The following PDE4D variants were observed in gnomAD, a reference collection of about 807,000 sequenced individuals.
PDE4D encodes phosphodiesterase 4D.
A neutral mutation model predicts 87.4 loss-of-function variants in PDE4D; 24 were observed. The observed-to-expected ratio is 0.27, with a 90% CI of 0.20 to 0.39. The LOEUF (loss-of-function observed/expected upper bound fraction) is 0.39. Ranked by LOEUF, PDE4D falls within the 10% of genes least tolerant of loss-of-function variation. The pLI is 1.00. For missense variants in PDE4D, 714 were observed against 1,041.0 expected (o/e 0.69, Z 4.32); for synonymous variants, 384 against 383.2 (o/e 1.00, Z -0.02).
chr5:59,222,565 G>A (rs1001274834), intron 1 of PDE4D, among the ~76,000 whole-genome samples: 1 of 152,158 alleles, frequency 6.6e-6, no homozygotes, highest in South Asian at 2.1e-4. Flanking sequence ...CACTCACAGG[G>A]AAGATCTTGC....
At chr5:59,770,565 T>C (rs974554417) in intron 1 of PDE4D, among the ~76,000 whole-genome samples, 1 of 152,176 alleles carries the variant, frequency 6.6e-6, no homozygotes, top group Non-Finnish European at 1.5e-5. Context: ...AATGTATTTG[T>C]ACATGTTTTT....
At chr5:59,406,872 A>G (rs76735276) in intron 1 of PDE4D, among the ~76,000 whole-genome samples, 6,196 of 151,690 alleles carry the variant, frequency 0.041, 438 homozygotes, top group African/African-American at 0.14. Context: ...TGTTTCTTAA[A>G]CTCTTTTTAT....
At chr5:59,552,232 T>G (rs1818241867) in intron 1 of PDE4D, among the ~76,000 whole-genome samples, 1 of 152,134 alleles carries the variant, frequency 6.6e-6, no homozygotes, top group Non-Finnish European at 1.5e-5. Context: ...AGAGGTATTT[T>G]ATTTTTTTCA....
intron 1 of PDE4D, among the ~76,000 whole-genome samples, chr5:59,609,136 A>G (rs918890559): frequency 2.0e-5 from 3 of 152,156 alleles, no homozygotes; most frequent in African/African-American, 7.2e-5. Flanking sequence ...GATCATATGT[A>G]GAGAGATATG....
chr5:59,295,849 C>CAA (rs78780792), intron 1 of PDE4D, among the ~76,000 whole-genome samples: 2 of 132,052 alleles, frequency 1.5e-5, no homozygotes, highest in Non-Finnish European at 3.3e-5. Flanking sequence ...AAAAAAAAAA[C>CAA]AAAAAAAAAA....
intron 1 of PDE4D, among the ~76,000 whole-genome samples, chr5:59,570,646 CAAA>C (rs35457740): frequency 1.4e-5 from 2 of 147,054 alleles, no homozygotes; most frequent in Admixed American, 6.8e-5. Context: ...GACAAATATG[CAAA>C]AAAAAAAAAA....
chr5:60,371,685 C>A (rs1761044659), intron 1 of PDE4D, among the ~76,000 whole-genome samples: 1 of 152,136 alleles, frequency 6.6e-6, no homozygotes, highest in South Asian at 2.1e-4. Flanking sequence ...GGCACCTTCT[C>A]CCCTGAAATA....
At chr5:60,229,760 T>A (rs182522462) in intron 1 of PDE4D, among the ~76,000 whole-genome samples, 157 of 152,244 alleles carry the variant, frequency 1.0e-3, no homozygotes, top group African/African-American at 3.6e-3. Flanking sequence ...ATCACTTGGG[T>A]TTAGCTTTTA....
At chr5:59,719,253 G>A (rs915050584) in intron 1 of PDE4D, among the ~76,000 whole-genome samples, 1 of 152,166 alleles carries the variant, frequency 6.6e-6, no homozygotes, top group Non-Finnish European at 1.5e-5. Context: ...TTTCCATGGT[G>A]TAACTACTAT....
chr5:60,119,824 C>T (rs887842487), intron 2 of PDE4D, among the ~76,000 whole-genome samples: 2 of 152,066 alleles, frequency 1.3e-5, no homozygotes, highest in African/African-American at 4.8e-5. Context: ...GGGGTACATT[C>T]AGATGTAAAT....
In PDE4D at chr5:59,980,174, G is replaced by T. The variant is rs984667898; in HGVS notation, c.272+8314C>A. ...AAAACAGAATAAAAAGGCTTTTAAA[G>T]AATTATAAGCTCTCCTTAAACACTT... is the stretch of plus-strand genomic sequence containing the variant. On this transcript the variant is annotated intron_variant, in intron 3 of 16. Transcript: ENST00000502484. Among the ~76,000 whole-genome samples, 4 of 152,210 alleles carry T rather than the reference G, an allele frequency of 2.6e-5. No individual in the cohort carries two copies. The East Asian group carries it at 7.7e-4, about 29-fold the overall frequency.
chr5:58,975,683 G>T lies in PDE4D; in HGVS notation c.1987C>A (p.His663Asn), dbSNP rs1267030767. 1 of 1,609,918 alleles carries T rather than the reference G, an allele frequency of 6.2e-7. No individual in the cohort carries two copies. Among genetic ancestry groups the T allele is most frequent in the East Asian group, 2.2e-5 (1 of 44,762 alleles). ...TGTGATTTTTCCACGGAAGCATTGT[G>T]CTTGTCACACATGGGGCTTATCTCC... ...GMEISPMCDK[H>N]NASVEKSQVG... Residue 663 changes from histidine to asparagine, a missense_variant, in exon 14 of 15, where the codon CAC becomes AAC. This residue lies in a region of PDE4D where 97 missense variants were observed against 176.9 expected (regional missense o/e 0.55). Coordinates refer to ENST00000340635, the MANE Select transcript of PDE4D (RefSeq NM_001104631.2). The surrounding 1 kb of genome is among the most constrained non-coding windows in gnomAD (Gnocchi z 4.2).
intron 1 of PDE4D, among the ~76,000 whole-genome samples, chr5:60,363,983 C>T (rs961670611): frequency 6.6e-6 from 1 of 151,984 alleles, no homozygotes; most frequent in Non-Finnish European, 1.5e-5. Context: ...ATGGGCTGGC[C>T]CAAGTAGGTG....
intron 10 of PDE4D, among the ~76,000 whole-genome samples, chr5:58,989,409 A>G (rs865822862): frequency 3.3e-5 from 5 of 152,082 alleles, no homozygotes; most frequent in African/African-American, 1.2e-4. Flanking sequence ...CTTATGTTTT[A>G]TAAAACGTTC....
At chr5:59,322,962 T>C (rs558261239) in intron 1 of PDE4D, among the ~76,000 whole-genome samples, 54 of 152,286 alleles carry the variant, frequency 3.5e-4, no homozygotes, top group Non-Finnish European at 5.9e-4. Context: ...AGCATTACTG[T>C]AGCAATAGCT....
In PDE4D at chr5:60,386,168, G is replaced by GA. The variant is rs1406425063; in HGVS notation, c.-90+101773dup. The stretch of plus-strand genomic sequence containing the variant: ...CAACAGCCAGACCAAGGAAACTTTG[G>GA]AAAAAAATATATAGTAATTTTCCCT... On this transcript the variant is annotated intron_variant, in intron 1 of 16. Coordinates refer to the PDE4D transcript ENST00000502484. Among the ~76,000 whole-genome samples, 6 of 151,858 alleles carry GA rather than the reference G, an allele frequency of 4.0e-5. No homozygotes were observed. The South Asian group carries it at 8.3e-4, about 21-fold the overall frequency.
intron 1 of PDE4D, among the ~76,000 whole-genome samples, chr5:59,286,887 T>C (rs911163043): frequency 4.7e-5 from 7 of 149,754 alleles, no homozygotes; most frequent in African/African-American, 1.7e-4. Flanking sequence ...GACCATTTAT[T>C]TTTTATTTCA....
intron 1 of PDE4D, among the ~76,000 whole-genome samples, chr5:60,214,474 G>A (rs2149581941): frequency 6.6e-6 from 1 of 152,190 alleles, no homozygotes; most frequent in Non-Finnish European, 1.5e-5. Context: ...GAGTAAGGTG[G>A]TGAACACAGG....
intron 3 of PDE4D, among the ~76,000 whole-genome samples, chr5:59,977,924 A>C (rs1479116539): frequency 1.3e-5 from 2 of 152,184 alleles, no homozygotes; most frequent in Non-Finnish European, 2.9e-5. Flanking sequence ...TTTATAAATA[A>C]AAAAATAAGG....
Sources: allele counts gnomAD v4.1 joint callset (sites outside exome capture counted in the v4.1 genomes callset), GRCh38; gene constraint gnomAD v4.1.1; regional missense constraint gnomAD v4.1.1; non-coding constraint Gnocchi (gnomAD v3.1); transcripts MANE v1.5; gene names NCBI Gene and HGNC (gene_info 2026-07-23, HGNC 2026-07-21).